ITPRIP: variants seen among roughly 807,000 people sequenced by gnomAD.
The protein encoded by ITPRIP is inositol 1,4,5-trisphosphate receptor interacting protein, also known as inositol 1,4,5-trisphosphate receptor-interacting protein.
In ITPRIP, 32 loss-of-function variants were observed where a neutral mutation model predicts 35.8. That is an observed-to-expected ratio of 0.89 (90% CI 0.68 to 1.20). The LOEUF is 1.20. Ranked by LOEUF, ITPRIP falls within the 50% of genes most tolerant of loss-of-function variation. The probability of loss-of-function intolerance (pLI) is 0.00; values close to 1 mark genes in which losing one functional copy is unlikely to be tolerated. For missense variants in ITPRIP, 653 were observed against 735.6 expected (o/e 0.89, Z 1.30); for synonymous variants, 358 against 324.0 (o/e 1.11, Z -1.13).
rs764668374 is a variant in ITPRIP at position 104,315,211 on chromosome 10, C to T, written c.841G>A (p.Gly281Ser). The T allele has an allele frequency of 4.3e-6, 7 of 1,613,864 alleles. No individual in the cohort carries two copies. The highest frequency in any genetic ancestry group is 3.3e-5 in the Admixed American group (2 of 59,974). The change falls in exon 2 of 2, where the codon GGC becomes AGC. Residue 281 changes from glycine (G) to serine (S), a missense_variant. Transcript: ENST00000337478. This position sits in a 1 kb window ranked among gnomAD's most constrained non-coding sequence, Gnocchi z 5.7. ...HGRNSMAPPC[G>S]DMENLLCATD... is the part of the protein sequence containing the mutation. ...GCACACAGCAGGTTCTCCATGTCGCCGCAGGGAGGCGCCATGCTGTTCCTG... is the reference window on the plus strand; with the variant it reads ...GCACACAGCAGGTTCTCCATGTCGCTGCAGGGAGGCGCCATGCTGTTCCTG...
Position 104,314,866 on chromosome 10 carries a change from G to C in ITPRIP, c.1186C>G (p.Leu396Val), listed in dbSNP as rs374973255. 3 of 1,613,622 alleles carry C rather than the reference G, an allele frequency of 1.9e-6. No individual in the cohort carries two copies. The highest frequency in any genetic ancestry group is 1.3e-5 in the African/African-American group (1 of 74,940). ...VYERHFLRTT[L>V]KALPEGACHL... ...CAGGCGCCCTCGGGCAGTGCCTTTA[G>C]TGTCGTCCTGAGGAAGTGTCGCTCA... The change falls in exon 2 of 2, where the codon CTA (leucine) becomes GTA (valine). Residue 396 changes from leucine to valine, a missense_variant. By Grantham distance (32) the Leu-to-Val change is conservative. Coordinates refer to ENST00000337478, the MANE Select transcript of ITPRIP (RefSeq NM_001272013.2).
rs748399869 is a variant in ITPRIP, at chr10:104,314,429, G to GT, written c.1622dup (p.Asp541GlufsTer21). 3.2e-5 allele frequency: 51 copies of GT among 1,611,932 alleles called. No individual in the cohort carries two copies. Among genetic ancestry groups the GT allele is most frequent in the Admixed American group, 5.0e-5 (3 of 59,912 alleles). ...GACGTCAGCTTTTTGGGGTAGGCTG[G>GT]TCTGAGGGGACATGTAGGGAATACT... On this transcript the variant is annotated frameshift_variant, in exon 2 of 2. Transcript: ENST00000337478. LOFTEE classifies it high-confidence loss of function.
chr10:104,319,563 C>A (rs1564863373), intron 1 of ITPRIP, among the ~76,000 whole-genome samples: 2 of 152,136 alleles, frequency 1.3e-5, no homozygotes, highest in Non-Finnish European at 2.9e-5. Flanking sequence ...CCCCGCTTCC[C>A]CGGATCGGAT....
intron 1 of ITPRIP, among the ~76,000 whole-genome samples, chr10:104,327,415 G>A (rs1405576339): frequency 1.3e-5 from 2 of 152,042 alleles, no homozygotes; most frequent in Non-Finnish European, 2.9e-5. Flanking sequence ...CTCTCTGCCT[G>A]GCCCGGCCAC....
chr10:104,336,506 G>GC (rs1465409015), intron 1 of ITPRIP, among the ~76,000 whole-genome samples: 1 of 147,364 alleles, frequency 6.8e-6, no homozygotes, highest in African/African-American at 2.6e-5. Flanking sequence ...GGGGGGGGGG[G>GC]GCAGCGGGGC....
rs370179125 is a variant in ITPRIP, at chr10:104,314,922, C to T, written c.1130G>A (p.Ser377Asn). 7.4e-6 allele frequency: 12 copies of T among 1,613,608 alleles called. No individual in the cohort carries two copies. The highest frequency in any genetic ancestry group is 5.5e-5 in the South Asian group (5 of 91,082). Residue 377 changes from serine to asparagine, a missense_variant, in exon 2 of 2, where the codon AGC becomes AAC. Ser to Asn is a conservative substitution (Grantham distance 46). Transcript: ENST00000337478. ...REPSEGTPAS[S>N]TDWLLSFAVY... ...AGCAAAGGACAGGAGCCAGTCTGTG[C>T]TGGAGGCTGGGGTGCCCTCAGAGGG...
intron 1 of ITPRIP, among the ~76,000 whole-genome samples, chr10:104,332,348 A>G (rs1166622561): frequency 6.6e-6 from 1 of 152,208 alleles, no homozygotes; most frequent in East Asian, 1.9e-4. Context: ...TACAAGAATT[A>G]GGGCAATGAC....
At position 104,320,885 on chromosome 10, in the gene ITPRIP, G is replaced by T. The variant is rs191172543; in HGVS notation, c.-13-4821C>A. ...ATCAAGCTGTAACCCAACTGTCTGG[G>T]GCACATATTTTCAGGATCTCTTGGG... On this transcript the variant is annotated intron_variant, in intron 1 of 1. Transcript: ENST00000337478. Among the ~76,000 whole-genome samples the T allele has an allele frequency of 2.0e-3, 311 of 152,200 alleles. 2 individuals are homozygous for T. Among genetic ancestry groups the T allele is most frequent in the South Asian group, 0.01 (50 of 4,816 alleles).
At chr10:104,317,252 G>T (rs976124655) in intron 1 of ITPRIP, among the ~76,000 whole-genome samples, 4 of 152,160 alleles carry the variant, frequency 2.6e-5, no homozygotes, top group Non-Finnish European at 2.9e-5. Flanking sequence ...CTTCTTAATT[G>T]TGAAAGGAGG....
intron 1 of ITPRIP, chr10:104,327,115 C>G (rs1262254360): frequency 6.6e-6 from 1 of 152,638 alleles, no homozygotes; most frequent in Non-Finnish European, 1.5e-5. Flanking sequence ...TGACCTTCCT[C>G]TTGTTGGGGT....
chr10:104,335,993 T>C (rs1319902266), intron 1 of ITPRIP, among the ~76,000 whole-genome samples: 1 of 151,504 alleles, frequency 6.6e-6, no homozygotes. Context: ...TCAGGGCTGC[T>C]GTGTGAATGG....
chr10:104,319,398 G>T (rs561849537), intron 1 of ITPRIP, among the ~76,000 whole-genome samples: 39 of 152,262 alleles, frequency 2.6e-4, no homozygotes, highest in African/African-American at 8.7e-4. Context: ...GCTCGAAAGT[G>T]CTCTGAAAGC....
intron 1 of ITPRIP, among the ~76,000 whole-genome samples, chr10:104,330,209 GA>G (rs780270097): frequency 6.6e-6 from 1 of 152,222 alleles, no homozygotes; most frequent in Non-Finnish European, 1.5e-5. Context: ...TTAGGATTGG[GA>G]AAAGAACCTC....
chr10:104,312,831 T>A lies in ITPRIP; in HGVS notation c.*1577A>T, dbSNP rs1273906230. On this transcript the variant is annotated 3_prime_UTR_variant, in exon 2 of 2. Coordinates refer to ENST00000337478, the MANE Select transcript of ITPRIP (RefSeq NM_001272013.2). ...CTGGGCACCCCTGTCAAGTTGGTTA[T>A]GCTCTCGGGAAGGCATGGCCGGCTT... 1.0e-6 allele frequency: 1 copy of A among 985,416 alleles called. No homozygotes were observed. The highest frequency in any genetic ancestry group is 1.2e-6 in the Non-Finnish European group (1 of 829,950). The allele number at this position is 985,416 out of a possible 1,614,324, so 61.0% of individuals were successfully genotyped here.
Position 104,311,267 on chromosome 10 carries a change from G to A in ITPRIP, c.*3141C>T, listed in dbSNP as rs2013478940. 1 of 152,160 alleles carries A rather than the reference G, an allele frequency of 6.6e-6. No homozygotes were observed. The highest frequency in any genetic ancestry group is 1.5e-5 in the Non-Finnish European group (1 of 68,028). 9.4% of individuals were successfully genotyped at this position (152,160 alleles called of 1,614,324 possible). ...CAAGCAGGCTCATTGGCTTTTCCCA[G>A]GTCTATCTATCTTCCAATAGATCTG... On this transcript the variant is annotated 3_prime_UTR_variant, in exon 2 of 2. Coordinates refer to ENST00000337478, the MANE Select transcript of ITPRIP (RefSeq NM_001272013.2).
At chr10:104,322,477 C>T (rs2013877763) in intron 1 of ITPRIP, among the ~76,000 whole-genome samples, 2 of 152,326 alleles carry the variant, frequency 1.3e-5, no homozygotes, top group African/African-American at 2.4e-5. Context: ...TCACAGGCAA[C>T]CTGAAACCCG....
chr10:104,319,911 C>T lies in ITPRIP; in HGVS notation c.-13-3847G>A, dbSNP rs556114065. Among the ~76,000 whole-genome samples, 235 of 152,236 alleles carry T rather than the reference C, an allele frequency of 1.5e-3. 1 individual carries two copies. Among genetic ancestry groups the T allele is most frequent in the African/African-American group, 5.3e-3 (219 of 41,526 alleles). On this transcript the variant is annotated intron_variant, in intron 1 of 1. Transcript: ENST00000337478. ...TTCAGGCACAACTGAACAGCATTAACGTTAAAACAGAGATCCTAGGAGTGA... is the reference window on the plus strand; with the variant it reads ...TTCAGGCACAACTGAACAGCATTAATGTTAAAACAGAGATCCTAGGAGTGA...
chr10:104,310,235 A>G lies in ITPRIP; in HGVS notation c.*4173T>C, dbSNP rs1445237549. 6.6e-6 allele frequency: 1 copy of G among 152,394 alleles called. No individual in the cohort carries two copies. The highest frequency in any genetic ancestry group is 2.4e-5 in the African/African-American group (1 of 41,446). The allele number at this position is 152,394 out of a possible 1,614,324, so 9.4% of individuals were successfully genotyped here. ...AGTTAAGACTTCCTGGACATTCACCAACCACTGCCAGCTGCCACCAACCCT... is the reference window on the plus strand; with the variant it reads ...AGTTAAGACTTCCTGGACATTCACCGACCACTGCCAGCTGCCACCAACCCT... On this transcript the variant is annotated 3_prime_UTR_variant, in exon 2 of 2. Transcript: ENST00000337478.
At chr10:104,338,013 C>A (rs910336490) in intron 1 of ITPRIP, among the ~76,000 whole-genome samples, 3 of 152,188 alleles carry the variant, frequency 2.0e-5, no homozygotes, top group Non-Finnish European at 2.9e-5. Flanking sequence ...TCCCCCGACG[C>A]GGCGGGAACA....
Sources: gnomAD v4.1 joint callset for allele counts (sites outside exome capture counted in the v4.1 genomes callset) on GRCh38, gnomAD v4.1.1 for gene constraint, Gnocchi (gnomAD v3.1) non-coding constraint, MANE v1.5 for transcripts, NCBI Gene and HGNC (gene_info 2026-07-23, HGNC 2026-07-21) for gene names.